HIPK2: variants seen among roughly 807,000 people sequenced by gnomAD.
HIPK2 encodes the protein homeodomain-interacting protein kinase 2.
HIPK2 carries 27 observed loss-of-function variants against 113.7 expected under a neutral mutation model. The ratio of observed to expected loss-of-function variants is 0.24; its 90% confidence interval spans 0.17 to 0.33. HIPK2 has a LOEUF of 0.33. Among genes scored for constraint, HIPK2 ranks in the 10% least tolerant of loss-of-function variants. HIPK2 has a pLI of 1.00. For synonymous variants in HIPK2, 631 were observed against 642.2 expected, an observed-to-expected ratio of 0.98 and a Z score of 0.26; for missense variants, 1,257 against 1,588.0, an observed-to-expected ratio of 0.79 and a Z score of 3.54.
At chr7:139,734,266 C>T (rs956981521) in intron 1 of HIPK2, among the ~76,000 whole-genome samples, 1 of 152,230 alleles carries the variant, frequency 6.6e-6, no homozygotes, top group African/African-American at 2.4e-5. Context: ...CTACTCTCAT[C>T]ACCACCAGTG....
At chr7:139,764,852 T>C (rs1796527160) in intron 1 of HIPK2, among the ~76,000 whole-genome samples, 2 of 152,204 alleles carry the variant, frequency 1.3e-5, no homozygotes, top group Non-Finnish European at 2.9e-5. Flanking sequence ...TATTATACTT[T>C]AGGCTTGGTG....
In HIPK2 at chr7:139,563,871, G is replaced by C. The variant is rs17133468; in HGVS notation, c.*9056C>G. On this transcript the variant is annotated 3_prime_UTR_variant, in exon 15 of 15. Coordinates refer to ENST00000406875, the MANE Select transcript of HIPK2 (RefSeq NM_022740.5). ...CTAAAGGAATGCCCTTTAGGTCACA[G>C]CAGGTCCTCTGCAGTTTGGTGGTGG... 379 of 398,600 alleles carry C rather than the reference G, an allele frequency of 9.5e-4. 2 individuals carry two copies. The highest frequency in any genetic ancestry group is 7.4e-3 in the African/African-American group (359 of 48,718). The allele number at this position is 398,600 out of a possible 1,614,324, so 24.7% of individuals were successfully genotyped here.
chr7:139,762,974 C>T (rs1796493257), intron 1 of HIPK2, among the ~76,000 whole-genome samples: 1 of 152,194 alleles, frequency 6.6e-6, no homozygotes, highest in African/African-American at 2.4e-5. Flanking sequence ...GGAAAGCCTC[C>T]TGGAGGAAGT....
chr7:139,671,016 C>G (rs1421024816), intron 2 of HIPK2, among the ~76,000 whole-genome samples: 1 of 152,104 alleles, frequency 6.6e-6, no homozygotes, highest in Non-Finnish European at 1.5e-5. Context: ...CCGCCTCAGC[C>G]TCCCCAAGTG....
chr7:139,590,418 G>C (rs1798978274), intron 12 of HIPK2, among the ~76,000 whole-genome samples: 1 of 152,166 alleles, frequency 6.6e-6, no homozygotes. Context: ...GATATAACCT[G>C]TGACCCCTTC....
intron 12 of HIPK2, among the ~76,000 whole-genome samples, chr7:139,588,377 T>C (rs1207917423): frequency 6.7e-6 from 1 of 148,278 alleles, no homozygotes. Flanking sequence ...CAATCCTGGG[T>C]GTGGTGGCAC....
chr7:139,608,103 G>T (rs1799685271), intron 9 of HIPK2, among the ~76,000 whole-genome samples: 1 of 151,822 alleles, frequency 6.6e-6, no homozygotes, highest in Non-Finnish European at 1.5e-5. Flanking sequence ...ATTAGCCGGG[G>T]CGTGGTGGCA....
intron 1 of HIPK2, among the ~76,000 whole-genome samples, chr7:139,740,329 C>T (rs933588707): frequency 3.9e-5 from 6 of 152,214 alleles, no homozygotes; most frequent in East Asian, 1.9e-4. Flanking sequence ...AGCCTGGTAT[C>T]GCCCCGGAGA....
intron 12 of HIPK2, 76 bp from the exon 13 acceptor site, chr7:139,584,140 G>C (rs1171424941): frequency 6.6e-7 from 1 of 1,520,554 alleles, no homozygotes; most frequent in Non-Finnish European, 8.8e-7. Context: ...TTCATGCCCT[G>C]GGGCAGGGGA....
intron 2 of HIPK2, among the ~76,000 whole-genome samples, chr7:139,671,293 A>G (rs866787068): frequency 3.3e-5 from 5 of 152,246 alleles, no homozygotes; most frequent in African/African-American, 1.2e-4. Context: ...AAAAAGTAGA[A>G]TAATTAAAAG....
chr7:139,590,852 T>G (rs2116609538), intron 12 of HIPK2, among the ~76,000 whole-genome samples: 1 of 152,234 alleles, frequency 6.6e-6, no homozygotes, highest in Non-Finnish European at 1.5e-5. Flanking sequence ...AAATTATTAT[T>G]ATTATTTTTA....
At position 139,563,216 on chromosome 7, in the gene HIPK2, A is replaced by T. The variant is rs1430119728; in HGVS notation, c.*9711T>A. ...TGGTCAAGTCACTTTCTACTTCCCAAGTTCCTCCTTATAACCTGAGCCAAA... is the reference window on the plus strand; with the variant it reads ...TGGTCAAGTCACTTTCTACTTCCCATGTTCCTCCTTATAACCTGAGCCAAA... On this transcript the variant is annotated 3_prime_UTR_variant, in exon 15 of 15. Transcript: ENST00000406875. 6.6e-6 allele frequency: 1 copy of T among 152,582 alleles called. No homozygotes were observed. The highest frequency in any genetic ancestry group is 1.5e-5 in the Non-Finnish European group (1 of 68,054). 9.5% of individuals were successfully genotyped at this position (152,582 alleles called of 1,614,324 possible).
chr7:139,565,962 A>G lies in HIPK2; in HGVS notation c.*6965T>C, dbSNP rs1375437491. The G allele has an allele frequency of 6.6e-6, 1 of 152,194 alleles. No individual in the cohort carries two copies. The highest frequency in any genetic ancestry group is 1.5e-5 in the Non-Finnish European group (1 of 68,018). The allele number at this position is 152,194 out of a possible 1,614,324, so 9.4% of individuals were successfully genotyped here. On this transcript the variant is annotated 3_prime_UTR_variant, in exon 15 of 15. Coordinates refer to ENST00000406875, the MANE Select transcript of HIPK2 (RefSeq NM_022740.5). ...TATAAGCAAGAAAAACTTATTTTTT[A>G]AAGAAGAAAAGAATACTTTTTCACT...
chr7:139,587,304 A>G (rs1798864502), intron 12 of HIPK2, among the ~76,000 whole-genome samples: 1 of 148,904 alleles, frequency 6.7e-6, no homozygotes, highest in Admixed American at 6.7e-5. Context: ...AGCCTGACCA[A>G]CATGGTGAAA....
chr7:139,717,276 A>G (rs1305529945), intron 1 of HIPK2, among the ~76,000 whole-genome samples: 3 of 152,192 alleles, frequency 2.0e-5, no homozygotes, highest in Non-Finnish European at 2.9e-5. Flanking sequence ...CAGAATTCCA[A>G]TATCAGGACA....
chr7:139,695,066 G>A (rs1569475981), intron 2 of HIPK2, among the ~76,000 whole-genome samples: 1 of 152,204 alleles, frequency 6.6e-6, no homozygotes, highest in African/African-American at 2.4e-5. Context: ...GCCTCTGGCT[G>A]CGAGGTTCGC....
In HIPK2 at chr7:139,572,894, T is replaced by TACCAACCAAA; in HGVS notation, c.*32_*33insTTTGGTTGGT. On this transcript the variant is annotated 3_prime_UTR_variant, in exon 15 of 15. Transcript: ENST00000406875. ...CTCCCTCCTCCCTCGGGCCATTCTC[T>TACCAACCAAA]CCCTCCCTCCCTCCCTCCCTCCCCT... 1.8e-6 allele frequency: 1 copy of TACCAACCAAA among 554,276 alleles called. No individual in the cohort carries two copies. Among genetic ancestry groups the TACCAACCAAA allele is most frequent in the Non-Finnish European group, 3.3e-6 (1 of 302,510 alleles). The allele number at this position is 554,276 out of a possible 1,614,324, so 34.3% of individuals were successfully genotyped here. A position where few individuals can be genotyped will look rare whatever the true frequency, so the allele number is the denominator to read the frequency against.
At position 139,596,853 on chromosome 7, in the gene HIPK2, C is replaced by T. The variant is rs374570079; in HGVS notation, c.2581G>A (p.Asp861Asn). ...TCCCGGGTGGTGCTGGAGGCCACGT[C>T]GCCCCACCCACAGGTGACCGAGGTG... ...CSTSVTCGWG[D>N]VASSTTRERQ... The change falls in exon 12 of 15, where the codon GAC (aspartate) becomes AAC (asparagine). Residue 861 changes from aspartate to asparagine, a missense_variant. Around this residue, in one of 5 missense-constraint regions of HIPK2, gnomAD observed 862 missense variants for 1,004.3 expected, o/e 0.86. Coordinates refer to ENST00000406875, the MANE Select transcript of HIPK2 (RefSeq NM_022740.5). 5.3e-5 allele frequency: 86 copies of T among 1,613,786 alleles called. No individual in the cohort carries two copies. Among genetic ancestry groups the T allele is most frequent in the African/African-American group, 1.2e-4 (9 of 74,930 alleles).
intron 1 of HIPK2, among the ~76,000 whole-genome samples, chr7:139,753,852 G>C (rs1200200575): frequency 2.0e-5 from 3 of 152,222 alleles, no homozygotes; most frequent in Non-Finnish European, 4.4e-5. Flanking sequence ...ATTGTGAGAT[G>C]GGGAAGGCGC....
Sources: allele counts gnomAD v4.1 joint callset (sites outside exome capture counted in the v4.1 genomes callset), GRCh38; gene constraint gnomAD v4.1.1; regional missense constraint gnomAD v4.1.1; transcripts MANE v1.5; gene names NCBI Gene and HGNC (gene_info 2026-07-23, HGNC 2026-07-21).